XYLB: variants seen among roughly 807,000 people sequenced by gnomAD.
XYLB encodes xylulokinase.
XYLB carries 62 observed loss-of-function variants against 78.7 expected under a neutral mutation model. That is an observed-to-expected ratio of 0.79 (90% CI 0.64 to 0.97). The LOEUF (loss-of-function observed/expected upper bound fraction) is 0.97. XYLB is among the 50% of genes least tolerant of loss of function. The pLI is 0.00. For synonymous variants in XYLB, 245 were observed against 247.4 expected (o/e 0.99, Z 0.09); for missense variants, 687 against 676.8 (o/e 1.02, Z -0.17).
chr3:38,368,335 C>T, intron 8 of XYLB, 78 bp downstream of exon 8: 1 of 1,340,950 alleles, frequency 7.5e-7, no homozygotes, highest in South Asian at 1.2e-5. Context: ...GGAGCCCCAC[C>T]TACCCCGAGT....
the XYLB span, among the ~76,000 whole-genome samples, chr3:38,441,534 C>T: frequency 6.6e-6 from 1 of 152,204 alleles, no homozygotes; most frequent in African/African-American, 2.4e-5. Flanking sequence ...GATTGGTTCT[C>T]CATCCTCTGG....
the XYLB span, among the ~76,000 whole-genome samples, chr3:38,429,920 T>C: frequency 6.6e-6 from 1 of 152,228 alleles, no homozygotes; most frequent in Non-Finnish European, 1.5e-5. Flanking sequence ...TATTTCATGG[T>C]GTATATGTGC....
chr3:38,366,798 C>G lies in XYLB; in HGVS notation c.508-10C>G, dbSNP rs1254491644. The stretch of plus-strand genomic sequence containing the variant: ...ATTTGGGTTCCTAAGAATTTATATT[C>G]CTTTTCCAGCGTTTTACAGGGAACC... On this transcript the variant is annotated splice_polypyrimidine_tract_variant and intron_variant, in intron 6 of 18. Transcript: ENST00000207870. The G allele has an allele frequency of 3.1e-6, 5 of 1,604,272 alleles. No homozygotes were observed. The South Asian group carries it at 5.5e-5, about 18-fold the overall frequency.
rs2234620 is a variant in XYLB at position 38,372,568 on chromosome 3, G to A, written c.766-87G>A. On this transcript the variant is annotated intron_variant, in intron 9 of 18. Transcript: ENST00000207870. Reference sequence around the variant, plus strand: ...GGTCTGGTGACCTGGAGACTGTAGCGTTTTCGTGGCCTGAAGGGTGGGTGG... The same window carrying A: ...GGTCTGGTGACCTGGAGACTGTAGCATTTTCGTGGCCTGAAGGGTGGGTGG... 3.8e-3 allele frequency: 6,157 copies of A among 1,604,646 alleles called. 171 individuals are homozygous for A. The African/African-American group carries it at 0.063, about 16-fold the overall frequency.
intron 15 of XYLB, among the ~76,000 whole-genome samples, chr3:38,394,109 T>C (rs1707777484): frequency 1.3e-5 from 2 of 152,194 alleles, no homozygotes; most frequent in South Asian, 2.1e-4. Flanking sequence ...TATACATTAA[T>C]TGGAAAAGAT....
At chr3:38,369,254 G>A (rs1706418792) in intron 8 of XYLB, among the ~76,000 whole-genome samples, 1 of 152,134 alleles carries the variant, frequency 6.6e-6, no homozygotes, top group Non-Finnish European at 1.5e-5. Context: ...GAGGCAACAG[G>A]GTTCCCTACA....
At chr3:38,436,758 C>T in the XYLB span, among the ~76,000 whole-genome samples, 1 of 152,040 alleles carries the variant, frequency 6.6e-6, no homozygotes, top group East Asian at 1.9e-4. Context: ...AATCCCAGCA[C>T]TTTGGGAGGC....
At chr3:38,393,367 A>T (rs910347262) in intron 15 of XYLB, among the ~76,000 whole-genome samples, 4 of 152,248 alleles carry the variant, frequency 2.6e-5, no homozygotes, top group African/African-American at 9.6e-5. Context: ...GCTGGTCTCA[A>T]AGTCCTGGGC....
At position 38,395,989 on chromosome 3, in the gene XYLB, A is replaced by T. The variant is rs555573876; in HGVS notation, c.1350+426A>T. Among the ~76,000 whole-genome samples, 28 of 152,346 alleles carry T rather than the reference A, an allele frequency of 1.8e-4. No homozygotes were observed. In the East Asian group the frequency reaches 5.2e-3, roughly 28 times the overall value. On this transcript the variant is annotated intron_variant, in intron 16 of 18. Transcript: ENST00000207870. The stretch of plus-strand genomic sequence containing the variant: ...TCTGGTCCTTCATTATGCCAGAAAC[A>T]TATGACCAAAAGTAGAATCAACCTG...
the XYLB span, among the ~76,000 whole-genome samples, chr3:38,437,042 A>AATG: frequency 6.8e-6 from 1 of 147,430 alleles, no homozygotes; most frequent in South Asian, 2.1e-4. Flanking sequence ...TAATAATAAT[A>AATG]ATAACAAAAA....
Position 38,372,826 on chromosome 3 carries a change from CCTT to C in XYLB, c.847+93_847+95del, listed in dbSNP as rs1237250416. The C allele has an allele frequency of 4.9e-6, 7 of 1,429,324 alleles. No homozygotes were observed. The Admixed American group carries it at 8.6e-5, about 18-fold the overall frequency. The allele number at this position is 1,429,324 out of a possible 1,614,324, so 88.5% of individuals were successfully genotyped here. A position where few individuals can be genotyped will look rare whatever the true frequency, so the allele number is the denominator to read the frequency against. On this transcript the variant is annotated intron_variant, in intron 10 of 18. Coordinates refer to ENST00000207870, the MANE Select transcript of XYLB (RefSeq NM_005108.4). ...ATTCCAGTCCAGCCTCTTGGTGAAACCTTCTGTGGTCATTCCTCACCACCCCCA... is the reference window on the plus strand; with the variant it reads ...ATTCCAGTCCAGCCTCTTGGTGAAACCTGTGGTCATTCCTCACCACCCCCA...
chr3:38,357,597 A>G (rs943026620), intron 2 of XYLB, among the ~76,000 whole-genome samples: 1 of 152,162 alleles, frequency 6.6e-6, no homozygotes, highest in Non-Finnish European at 1.5e-5. Flanking sequence ...CGTGTTAGCC[A>G]GGATGGTCTC....
intron 1 of XYLB, among the ~76,000 whole-genome samples, chr3:38,347,194 C>A (rs1485606385): frequency 6.6e-6 from 1 of 152,190 alleles, no homozygotes; most frequent in African/African-American, 2.4e-5. Context: ...TGCAGGCGCT[C>A]CTCGGCAGGA....
At chr3:38,379,969 G>A (rs1046290911) in intron 15 of XYLB, among the ~76,000 whole-genome samples, 4 of 152,164 alleles carry the variant, frequency 2.6e-5, no homozygotes, top group Admixed American at 2.0e-4. Context: ...TTGCTAGTAG[G>A]GCTCTCTGCA....
the XYLB span, among the ~76,000 whole-genome samples, chr3:38,447,303 CTT>C: frequency 6.6e-5 from 10 of 152,000 alleles, no homozygotes; most frequent in African/African-American, 2.4e-4. Context: ...AAATGGAACT[CTT>C]TTTTATTTTA....
At chr3:38,416,770 A>G (rs1708809282), downstream of XYLB, among the ~76,000 whole-genome samples, 1 of 152,214 alleles carries the variant, frequency 6.6e-6, no homozygotes, top group Non-Finnish European at 1.5e-5. Context: ...CACAAGGAGG[A>G]TATACTATTT....
chr3:38,450,095 C>T, the XYLB span, among the ~76,000 whole-genome samples: 1 of 152,292 alleles, frequency 6.6e-6, no homozygotes, highest in African/African-American at 2.4e-5. Context: ...GCCCACCCCT[C>T]CCCCAACAAT....
chr3:38,441,183 G>A, the XYLB span, among the ~76,000 whole-genome samples: 1 of 152,230 alleles, frequency 6.6e-6, no homozygotes, highest in Non-Finnish European at 1.5e-5. Flanking sequence ...TCCCCCAGAG[G>A]TTAGGAACTC....
downstream of XYLB, among the ~76,000 whole-genome samples, chr3:38,415,953 G>T (rs938426445): frequency 6.6e-6 from 1 of 152,098 alleles, no homozygotes; most frequent in Non-Finnish European, 1.5e-5. Flanking sequence ...GAGCATGGAC[G>T]CACAAGAGAG....
Sources: allele counts gnomAD v4.1 joint callset (sites outside exome capture counted in the v4.1 genomes callset), GRCh38; gene constraint gnomAD v4.1.1; transcripts MANE v1.5; gene names NCBI Gene and HGNC (gene_info 2026-07-23, HGNC 2026-07-21).